Variants in SIRT4 observed in about 807,000 individuals in gnomAD.
The protein encoded by SIRT4 is sirtuin 4.
Under a neutral mutation model 26.1 loss-of-function variants are expected in SIRT4, and 23 were observed. That is an observed-to-expected ratio of 0.88 (90% CI 0.63 to 1.25). The LOEUF (loss-of-function observed/expected upper bound fraction) is 1.25, where lower values mean the gene tolerates loss of function less well. Ranked by LOEUF, SIRT4 falls within the 50% of genes most tolerant of loss-of-function variation. The pLI is 0.00. For synonymous variants in SIRT4, 155 were observed against 158.4 expected, an observed-to-expected ratio of 0.98 and a Z score of 0.16; for missense variants, 361 against 405.4, an observed-to-expected ratio of 0.89 and a Z score of 0.94.
intron 2 of SIRT4, 42 bp downstream of exon 2, chr12:120,304,100 G>A (rs189578185): frequency 6.3e-7 from 1 of 1,586,682 alleles, no homozygotes; most frequent in East Asian, 2.2e-5. Flanking sequence ...CCCGTGTGTT[G>A]TTTTGGGAGA....
chr12:120,294,121 C>T, the SIRT4 span, among the ~76,000 whole-genome samples: 11 of 143,016 alleles, frequency 7.7e-5, no homozygotes, highest in Non-Finnish European at 1.1e-4. Context: ...CTCCTGCCTC[C>T]ATCTCTCAAG....
At chr12:120,310,019 G>A (rs1872898652) in intron 2 of SIRT4, among the ~76,000 whole-genome samples, 1 of 151,686 alleles carries the variant, frequency 6.6e-6, no homozygotes, top group African/African-American at 2.4e-5. Flanking sequence ...GCCCGGCCTG[G>A]CCTTTTTTTC....
the SIRT4 span, among the ~76,000 whole-genome samples, chr12:120,295,384 T>TTA: frequency 4.8e-4 from 70 of 146,096 alleles, no homozygotes; most frequent in African/African-American, 1.2e-3. Context: ...CTGGCTAATT[T>TTA]TATATATATA....
At chr12:120,292,389 T>A in the SIRT4 span, among the ~76,000 whole-genome samples, 35 of 151,888 alleles carry the variant, frequency 2.3e-4, no homozygotes, top group African/African-American at 7.7e-4. Flanking sequence ...GATCACGAGG[T>A]CAGGAGTTCA....
chr12:120,296,030 T>C, the SIRT4 span, among the ~76,000 whole-genome samples: 3 of 123,814 alleles, frequency 2.4e-5, no homozygotes, highest in African/African-American at 9.6e-5. Context: ...GAGGTTGCCA[T>C]GAGCTGAGAT....
Position 120,303,951 on chromosome 12 carries a change from C to T in SIRT4, c.390C>T (p.Thr130=). 1 of 1,614,180 alleles carries T rather than the reference C, an allele frequency of 6.2e-7. No individual in the cohort carries two copies. The highest frequency in any genetic ancestry group is 8.5e-7 in the Non-Finnish European group (1 of 1,180,044). ...QPNPAHWALS[T]WEKLGKLYWL... is the part of the protein sequence containing the mutation. ...ACCCTGCACACTGGGCTTTGAGCAC[C>T]TGGGAGAAACTCGGAAAGCTGTACT... Residue 130 remains threonine (T), a synonymous_variant, in exon 2 of 4, where the codon ACC becomes ACT. Coordinates refer to ENST00000202967, the MANE Select transcript of SIRT4 (RefSeq NM_012240.3).
At chr12:120,294,135 C>T in the SIRT4 span, among the ~76,000 whole-genome samples, 1 of 150,530 alleles carries the variant, frequency 6.6e-6, no homozygotes, top group African/African-American at 2.4e-5. Context: ...TCTCAAGTAG[C>T]TGGGATTACA....
In SIRT4 at chr12:120,303,726, G is replaced by A. The variant is rs757657278; in HGVS notation, c.165G>A (p.Lys55=). ...TACAGCGCTTCATCACCCTTTCCAA[G>A]AGACTCCTTGTGATGACTGGGGCAG... ...KELQRFITLS[K]RLLVMTGAGI... The change falls in exon 2 of 4, where the codon AAG becomes AAA. Residue 55 remains lysine, a synonymous_variant. Transcript: ENST00000202967. The A allele has an allele frequency of 3.7e-6, 6 of 1,613,994 alleles. No homozygotes were observed. The African/African-American group carries it at 8.0e-5, about 22-fold the overall frequency.
Position 120,311,048 on chromosome 12 carries a change from T to TAAAA in SIRT4, c.498-1385_498-1382dup, listed in dbSNP as rs761606021. Among the ~76,000 whole-genome samples the TAAAA allele has an allele frequency of 1.2e-3, 85 of 69,306 alleles. 2 individuals are homozygous for TAAAA. Among genetic ancestry groups the TAAAA allele is most frequent in the Middle Eastern group, 0.011 (1 of 88 alleles). The allele number at this position is 69,306 out of a possible 152,430, so 45.5% of individuals were successfully genotyped here. On this transcript the variant is annotated intron_variant, in intron 2 of 3. Coordinates refer to ENST00000202967, the MANE Select transcript of SIRT4 (RefSeq NM_012240.3). ...CCACGCCCAGCCTGACCCTGTCTCT[T>TAAAA]AAAAAAAAAAAAAAAAAAAAAAAAA...
the SIRT4 span, among the ~76,000 whole-genome samples, chr12:120,296,516 G>T: frequency 4.0e-3 from 471 of 117,674 alleles, no homozygotes; most frequent in Middle Eastern, 8.7e-3. Flanking sequence ...TTTTTTTTTT[G>T]TTTTTTTTTT....
Position 120,313,194 on chromosome 12 carries a change from A to G in SIRT4, c.*158A>G. Reference sequence around the variant, plus strand: ...GTTCTAGGTATCTTAATGTGTGGATATTCTTAATTAAAACTCATTTTTTTT... The same window carrying G: ...GTTCTAGGTATCTTAATGTGTGGATGTTCTTAATTAAAACTCATTTTTTTT... On this transcript the variant is annotated 3_prime_UTR_variant, in exon 4 of 4. Coordinates refer to ENST00000202967, the MANE Select transcript of SIRT4 (RefSeq NM_012240.3). 1 of 745,400 alleles carries G rather than the reference A, an allele frequency of 1.3e-6. No homozygotes were observed. Among genetic ancestry groups the G allele is most frequent in the South Asian group, 1.9e-5 (1 of 52,250 alleles). 46.2% of individuals were successfully genotyped at this position (745,400 alleles called of 1,614,324 possible).
chr12:120,303,435 A>T, intron 1 of SIRT4, 126 bp from the exon 2 acceptor site: 1 of 1,093,440 alleles, frequency 9.1e-7, no homozygotes, highest in Non-Finnish European at 1.3e-6. Context: ...AGATCATGCC[A>T]CTGTACTCTA....
At chr12:120,297,051 C>T in the SIRT4 span, among the ~76,000 whole-genome samples, 11 of 151,114 alleles carry the variant, frequency 7.3e-5, no homozygotes, top group South Asian at 2.1e-3. Context: ...GGTGAAACCT[C>T]GTCTCTACTA....
At chr12:120,298,196 C>CAA (rs56752571), upstream of SIRT4, among the ~76,000 whole-genome samples, 92 of 20,980 alleles carry the variant, frequency 4.4e-3, 7 homozygotes, top group East Asian at 8.1e-3. Flanking sequence ...AACTCCATCT[C>CAA]AAAAAAAAAA....
At chr12:120,309,408 CTTTTCTTT>C (rs1872868799) in intron 2 of SIRT4, among the ~76,000 whole-genome samples, 1 of 147,266 alleles carries the variant, frequency 6.8e-6, no homozygotes, top group Non-Finnish European at 1.5e-5. Context: ...GCCTTTTTTT[CTTTTCTTT>C]TTTTTTTTTT....
chr12:120,294,443 C>G, the SIRT4 span, among the ~76,000 whole-genome samples: 3,286 of 151,746 alleles, frequency 0.022, 84 homozygotes, highest in African/African-American at 0.067. Context: ...TTTTAGTAGA[C>G]ACGGGGTTTC....
the SIRT4 span, chr12:120,293,351 A>G: frequency 6.6e-6 from 1 of 152,160 alleles, no homozygotes; most frequent in Non-Finnish European, 1.5e-5. Context: ...AAATTATACA[A>G]TCATAGAAAG....
At chr12:120,306,725 C>T (rs899695248) in intron 2 of SIRT4, among the ~76,000 whole-genome samples, 1 of 152,064 alleles carries the variant, frequency 6.6e-6, no homozygotes, top group Non-Finnish European at 1.5e-5. Context: ...GTCGCCTGAA[C>T]CTGGGAGGCA....
At chr12:120,296,576 C>T in the SIRT4 span, among the ~76,000 whole-genome samples, 1 of 148,358 alleles carries the variant, frequency 6.7e-6, no homozygotes, top group East Asian at 2.0e-4. Context: ...GGTGCAATCA[C>T]GGCTCAGTGC....
Sources: allele counts gnomAD v4.1 joint callset (sites outside exome capture counted in the v4.1 genomes callset), GRCh38; gene constraint gnomAD v4.1.1; transcripts MANE v1.5; gene names NCBI Gene and HGNC (gene_info 2026-07-23, HGNC 2026-07-21).